Variants in KIRREL1 observed in about 807,000 individuals in gnomAD.
The protein encoded by KIRREL1 is kirre like nephrin family adhesion molecule 1.
In KIRREL1, 25 loss-of-function variants were observed where a neutral mutation model predicts 83.3. That is an observed-to-expected ratio of 0.30 (90% CI 0.22 to 0.42). The LOEUF is 0.42. KIRREL1 is among the 10% of genes least tolerant of loss of function. KIRREL1 has a pLI of 1.00. For synonymous variants in KIRREL1, 388 were observed against 410.4 expected (o/e 0.95, Z 0.66); for missense variants, 812 against 1,032.3 (o/e 0.79, Z 2.92).
chr1:158,055,410 G>C (rs901888965), intron 1 of KIRREL1, among the ~76,000 whole-genome samples: 1 of 152,098 alleles, frequency 6.6e-6, no homozygotes, highest in Non-Finnish European at 1.5e-5. Flanking sequence ...GGGGATTTGA[G>C]AGAGATCAGC....
intron 1 of KIRREL1, among the ~76,000 whole-genome samples, chr1:158,041,288 A>C (rs940895916): frequency 1.3e-5 from 2 of 152,234 alleles, no homozygotes; most frequent in Non-Finnish European, 2.9e-5. Context: ...TACATCTCAC[A>C]ACTCCCGTGT....
rs889747882 is a variant in KIRREL1, at chr1:158,095,362, G to T, written c.*242G>T. On this transcript the variant is annotated 3_prime_UTR_variant, in exon 15 of 15. Transcript: ENST00000359209. ...CGGGAGGATGTGTCTCTTCTGACCT[G>T]CACTCTTGCCTGACCCTAGAATGGG... The T allele has an allele frequency of 8.5e-5, 40 of 468,718 alleles. No homozygotes were observed. The highest frequency in any genetic ancestry group is 1.4e-4 in the Non-Finnish European group (36 of 265,078). 29.0% of individuals were successfully genotyped at this position (468,718 alleles called of 1,614,324 possible). A position where few individuals can be genotyped will look rare whatever the true frequency, so the allele number is the denominator to read the frequency against.
chr1:158,097,640 T>TGC lies in KIRREL1; in HGVS notation c.*2521_*2522dup, dbSNP rs2101653769. The stretch of plus-strand genomic sequence containing the variant: ...CTGCCCTCTGTAACTTACGTGTTGG[T>TGC]GCATCAGAATCTGAATTGGAACCTA... On this transcript the variant is annotated 3_prime_UTR_variant, in exon 15 of 15. Transcript: ENST00000359209. 1 of 153,648 alleles carries TGC rather than the reference T, an allele frequency of 6.5e-6. No individual in the cohort carries two copies. Among genetic ancestry groups the TGC allele is most frequent in the East Asian group, 1.9e-4 (1 of 5,188 alleles). 9.5% of individuals were successfully genotyped at this position (153,648 alleles called of 1,614,324 possible). A position where few individuals can be genotyped will look rare whatever the true frequency, so the allele number is the denominator to read the frequency against.
At position 158,086,855 on chromosome 1, in the gene KIRREL1, C is replaced by T. The variant is rs1338661786; in HGVS notation, c.661+109C>T. The stretch of plus-strand genomic sequence containing the variant: ...ACAAACTAAGAGTCCCCCTATGGTC[C>T]CCAGGACAAACGCTTGCCTTCTTCA... On this transcript the variant is annotated intron_variant, in intron 5 of 14. Coordinates refer to ENST00000359209, the MANE Select transcript of KIRREL1 (RefSeq NM_018240.7). 5 of 1,023,918 alleles carry T rather than the reference C, an allele frequency of 4.9e-6. No homozygotes were observed. In the East Asian group the frequency reaches 7.9e-5, roughly 16 times the overall value. The allele number at this position is 1,023,918 out of a possible 1,614,324, so 63.4% of individuals were successfully genotyped here. A position where few individuals can be genotyped will look rare whatever the true frequency, so the allele number is the denominator to read the frequency against.
At chr1:158,090,323 C>T (rs1199858429) in intron 10 of KIRREL1, among the ~76,000 whole-genome samples, 1 of 152,132 alleles carries the variant, frequency 6.6e-6, no homozygotes, top group East Asian at 1.9e-4. Flanking sequence ...ACTCTTCTCT[C>T]CCTCCTCCTG....
chr1:158,044,580 C>A (rs1256818702), intron 1 of KIRREL1, among the ~76,000 whole-genome samples: 1 of 152,186 alleles, frequency 6.6e-6, no homozygotes, highest in Non-Finnish European at 1.5e-5. Context: ...CTTACTGCAA[C>A]CTTTGTCTCC....
intron 1 of KIRREL1, among the ~76,000 whole-genome samples, chr1:158,004,001 C>G (rs563405956): frequency 6.6e-6 from 1 of 152,122 alleles, no homozygotes; most frequent in Non-Finnish European, 1.5e-5. Flanking sequence ...CAACACAACC[C>G]GGTTCCTGGA....
At chr1:157,999,032 C>T (rs1370072313) in intron 1 of KIRREL1, among the ~76,000 whole-genome samples, 1 of 152,168 alleles carries the variant, frequency 6.6e-6, no homozygotes, top group East Asian at 1.9e-4. Context: ...GAGTGCCCTT[C>T]AGCCTGCCTA....
chr1:158,093,274 G>A (rs1467161958), intron 11 of KIRREL1, 65 bp from the exon 12 acceptor site: 4 of 1,367,618 alleles, frequency 2.9e-6, no homozygotes, highest in Non-Finnish European at 3.1e-6. Flanking sequence ...CCTTTAGCCA[G>A]CACTGAGCTT....
intron 1 of KIRREL1, among the ~76,000 whole-genome samples, chr1:158,051,740 TACTC>T (rs1184282767): frequency 6.6e-6 from 1 of 152,226 alleles, no homozygotes; most frequent in Non-Finnish European, 1.5e-5. Flanking sequence ...ATGAAGTTCA[TACTC>T]CTTGGAATGA....
Position 158,096,488 on chromosome 1 carries a change from T to A in KIRREL1, c.*1368T>A, listed in dbSNP as rs1029535832. ...TGTGGGGAGTGGGTACTTGTGAGCC[T>A]CGGACACACTGTTAAGTGTTACAGT... On this transcript the variant is annotated 3_prime_UTR_variant, in exon 15 of 15. Transcript: ENST00000359209. 3 of 427,882 alleles carry A rather than the reference T, an allele frequency of 7.0e-6. No homozygotes were observed. Among genetic ancestry groups the A allele is most frequent in the Admixed American group, 2.4e-5 (1 of 40,868 alleles). The allele number at this position is 427,882 out of a possible 1,614,324, so 26.5% of individuals were successfully genotyped here.
chr1:158,094,924 A>C lies in KIRREL1; in HGVS notation c.2078A>C (p.His693Pro). ...SYENYEKFNS[H>P]PFPGAAGYPT... ...GAGAACTATGAGAAGTTCAACTCCC[A>C]TCCCTTCCCTGGGGCAGCTGGGTAC... Residue 693 changes from histidine (H) to proline (P), a missense_variant, in exon 15 of 15, where the codon CAT (histidine) becomes CCT (proline). His to Pro is a moderately conservative substitution (Grantham distance 77). Coordinates refer to ENST00000359209, the MANE Select transcript of KIRREL1 (RefSeq NM_018240.7). The surrounding 1 kb of genome is among the most constrained non-coding windows in gnomAD (Gnocchi z 4.6). 6.2e-7 allele frequency: 1 copy of C among 1,613,836 alleles called. No individual in the cohort carries two copies. The highest frequency in any genetic ancestry group is 8.5e-7 in the Non-Finnish European group (1 of 1,179,932).
intron 1 of KIRREL1, among the ~76,000 whole-genome samples, chr1:158,057,877 G>A (rs764065104): frequency 8.5e-5 from 13 of 152,300 alleles, no homozygotes; most frequent in Admixed American, 1.3e-4. Context: ...TCTGGAAAAC[G>A]AGGCCATTGA....
chr1:158,082,126 A>C (rs949975124), intron 3 of KIRREL1, among the ~76,000 whole-genome samples: 2 of 152,108 alleles, frequency 1.3e-5, no homozygotes, highest in Admixed American at 6.5e-5. Flanking sequence ...ACCACAGAAC[A>C]AGGAGGAAGA....
In KIRREL1 at chr1:158,010,396, TACACACACACACACACACACACAC is replaced by T. The variant is rs56077512; in HGVS notation, c.52+16709_52+16732del. On this transcript the variant is annotated intron_variant, in intron 1 of 14. Coordinates refer to ENST00000359209, the MANE Select transcript of KIRREL1 (RefSeq NM_018240.7). ...GTCCTGAGAATGTCACACACATGCA[TACACACACACACACACACACACAC>T]ACACACACACACACACACACACACA... Among the ~76,000 whole-genome samples the T allele has an allele frequency of 7.1e-3, 317 of 44,594 alleles. 1 individual carries two copies. Among genetic ancestry groups the T allele is most frequent in the Middle Eastern group, 0.053 (4 of 76 alleles). 29.3% of individuals were successfully genotyped at this position (44,594 alleles called of 152,430 possible).
At chr1:158,067,990 G>A (rs577122693) in intron 1 of KIRREL1, among the ~76,000 whole-genome samples, 1 of 152,172 alleles carries the variant, frequency 6.6e-6, no homozygotes, top group Admixed American at 6.5e-5. Flanking sequence ...CCCAGCCTTA[G>A]AGACGGACAG....
chr1:158,061,645 G>T (rs1266484928), intron 1 of KIRREL1, among the ~76,000 whole-genome samples: 1 of 152,142 alleles, frequency 6.6e-6, no homozygotes, highest in Non-Finnish European at 1.5e-5. Context: ...TGGTTCTGAG[G>T]CTGAGATGTA....
chr1:158,027,392 A>T (rs1557994172), intron 1 of KIRREL1, among the ~76,000 whole-genome samples: 1 of 152,172 alleles, frequency 6.6e-6, no homozygotes, highest in Non-Finnish European at 1.5e-5. Context: ...TTTGGGGTTT[A>T]TGAAGGCTTC....
At chr1:158,033,063 G>A (rs1041501294) in intron 1 of KIRREL1, among the ~76,000 whole-genome samples, 3 of 151,650 alleles carry the variant, frequency 2.0e-5, no homozygotes, top group South Asian at 4.2e-4. Context: ...GAGCCACTGC[G>A]CCCGGCCGGG....
Sources: allele counts gnomAD v4.1 joint callset (sites outside exome capture counted in the v4.1 genomes callset), GRCh38; gene constraint gnomAD v4.1.1; non-coding constraint Gnocchi (gnomAD v3.1); transcripts MANE v1.5; gene names NCBI Gene and HGNC (gene_info 2026-07-23, HGNC 2026-07-21).